GIGYF1: variants seen among roughly 807,000 people sequenced by gnomAD.
The protein encoded by GIGYF1 is GRB10-interacting GYF protein 1.
Under a neutral mutation model 147.1 loss-of-function variants are expected in GIGYF1, and 84 were observed. The ratio of observed to expected loss-of-function variants is 0.57; its 90% CI spans 0.48 to 0.68. The LOEUF (loss-of-function observed/expected upper bound fraction) is 0.68, where lower values mean the gene tolerates loss of function less well. Ranked by LOEUF, GIGYF1 falls within the 30% of genes least tolerant of loss-of-function variation. GIGYF1 has a pLI of 0.00. For synonymous variants in GIGYF1, 752 were observed against 589.5 expected (o/e 1.28, Z -3.99); for missense variants, 1,485 against 1,393.7 (o/e 1.07, Z -1.04).
At position 100,686,816 on chromosome 7, in the gene GIGYF1, C is replaced by A. The variant is rs775921993; in HGVS notation, c.527G>T (p.Arg176Leu). The A allele has an allele frequency of 1.2e-6, 2 of 1,613,740 alleles. No individual in the cohort carries two copies. Among genetic ancestry groups the A allele is most frequent in the Non-Finnish European group, 1.7e-6 (2 of 1,179,842 alleles). The change falls in exon 10 of 27, where the codon CGA becomes CTA. Residue 176 changes from arginine (R) to leucine (L), a missense_variant. By Grantham distance (102) the Arg-to-Leu change is moderately radical. Coordinates refer to ENST00000678049, the MANE Select transcript of GIGYF1 (RefSeq NM_001375765.1). Reference protein sequence around the residue: ...FEKSARRDGARCGFEEGGAGP... With the variant: ...FEKSARRDGALCGFEEGGAGP... The stretch of plus-strand genomic sequence containing the variant: ...AGCCCCTCCCTCCTCAAAGCCACAT[C>A]GTGCTGGGAGACGGGAAGACAGGGG...
At chr7:100,685,169 TGGAAAGAAG>T in intron 13 of GIGYF1, 23 bp from the exon 14 acceptor site, 1 of 1,557,294 alleles carries the variant, frequency 6.4e-7, no homozygotes, top group African/African-American at 1.4e-5. Context: ...AGATAGGAGG[TGGAAAGAAG>T]GGCGGGGAGG....
At chr7:100,682,885 G>A (rs1804922641) in intron 22 of GIGYF1, 108 bp from the exon 23 acceptor site, 2 of 1,284,078 alleles carry the variant, frequency 1.6e-6, no homozygotes, top group Admixed American at 2.8e-5. Context: ...AGGGCCACAA[G>A]AGCTGTTGCC....
At position 100,687,351 on chromosome 7, in the gene GIGYF1, C is replaced by T. The variant is rs1385982405; in HGVS notation, c.429G>A (p.Gly143=). ...TTTCCCGGGGGCTTCGTCCAAAGGC[C>T]CCATCGCCTTCTTCGATGCTTCTTT... ...FYQRSIEEGD[G]AFGRSPREIQ... Residue 143 remains glycine (G), a synonymous_variant, in exon 8 of 27, where the codon GGG becomes GGA. Coordinates refer to ENST00000678049, the MANE Select transcript of GIGYF1 (RefSeq NM_001375765.1). 1.2e-6 allele frequency: 2 copies of T among 1,613,402 alleles called. No homozygotes were observed. Among genetic ancestry groups the T allele is most frequent in the Middle Eastern group, 1.6e-4 (1 of 6,062 alleles).
In GIGYF1 at chr7:100,681,570, A is replaced by T; in HGVS notation, c.*149T>A. On this transcript the variant is annotated 3_prime_UTR_variant, in exon 27 of 27. Coordinates refer to ENST00000678049, the MANE Select transcript of GIGYF1 (RefSeq NM_001375765.1). Reference sequence around the variant, plus strand: ...TAAAGTGCCTCGTGGTGGGTGAGTTAAGGTGCATCGTGTGTTTGTAACAAG... The same window carrying T: ...TAAAGTGCCTCGTGGTGGGTGAGTTTAGGTGCATCGTGTGTTTGTAACAAG... 1 of 549,602 alleles carries T rather than the reference A, an allele frequency of 1.8e-6. No individual in the cohort carries two copies. The highest frequency in any genetic ancestry group is 3.0e-6 in the Non-Finnish European group (1 of 330,918). The allele number at this position is 549,602 out of a possible 1,614,324, so 34.0% of individuals were successfully genotyped here.
At chr7:100,686,463 G>A (rs1394834175) in intron 10 of GIGYF1, 30 bp from the exon 11 acceptor site, 2 of 1,556,702 alleles carry the variant, frequency 1.3e-6, no homozygotes, top group South Asian at 1.2e-5. Flanking sequence ...GAGAAGAAGA[G>A]TGGGTACCCA....
chr7:100,681,655 A>AC lies in GIGYF1; in HGVS notation c.*63dup. The AC allele has an allele frequency of 6.8e-7, 1 of 1,461,144 alleles. No individual in the cohort carries two copies. Among genetic ancestry groups the AC allele is most frequent in the Non-Finnish European group, 9.2e-7 (1 of 1,091,256 alleles). The allele number at this position is 1,461,144 out of a possible 1,614,324, so 90.5% of individuals were successfully genotyped here. ...CTCTGCGGGGAGCCTGCAGGCTGGG[A>AC]CCCTCGGTCCACGCCGCTGTGGCTG... is the stretch of plus-strand genomic sequence containing the variant. On this transcript the variant is annotated 3_prime_UTR_variant, in exon 27 of 27. Transcript: ENST00000678049.
At position 100,687,354 on chromosome 7, in the gene GIGYF1, A is replaced by G; in HGVS notation, c.426T>C (p.Asp142=). The G allele has an allele frequency of 1.2e-6, 2 of 1,613,356 alleles. No individual in the cohort carries two copies. Among genetic ancestry groups the G allele is most frequent in the South Asian group, 1.1e-5 (1 of 91,082 alleles). Residue 142 remains aspartate (D), a synonymous_variant, in exon 8 of 27, where the codon GAT becomes GAC. Coordinates refer to ENST00000678049, the MANE Select transcript of GIGYF1 (RefSeq NM_001375765.1). The stretch of plus-strand genomic sequence containing the variant: ...CCCGGGGGCTTCGTCCAAAGGCCCC[A>G]TCGCCTTCTTCGATGCTTCTTTGGT... The part of the protein sequence containing the change: ...CFYQRSIEEG[D]GAFGRSPREI...
chr7:100,683,487 G>C, intron 20 of GIGYF1, 43 bp from the exon 21 acceptor site: 1 of 1,613,994 alleles, frequency 6.2e-7, no homozygotes, highest in Non-Finnish European at 8.5e-7. Context: ...GCAGGGGACA[G>C]CCTGGGGCCT....
At position 100,681,945 on chromosome 7, in the gene GIGYF1, G is replaced by A. The variant is rs774303622; in HGVS notation, c.2974C>T (p.His992Tyr). The A allele has an allele frequency of 2.9e-5, 47 of 1,609,788 alleles. No individual in the cohort carries two copies. Among genetic ancestry groups the A allele is most frequent in the Admixed American group, 2.7e-4 (16 of 60,024 alleles). Residue 992 changes from histidine to tyrosine, a missense_variant, in exon 26 of 27, where the codon CAC becomes TAC. Physicochemically the swap from His to Tyr is moderately conservative, Grantham distance 83 (BLOSUM62 2). Transcript: ENST00000678049. ...ASLQTAFQAN[H>Y]STKLGPGEGS... ...TCCCCGGGGCCGAGTTTGGTGCTGT[G>A]GTTGGCCTGGAAGGCCGTCTGCAGC... is the stretch of plus-strand genomic sequence containing the variant.
chr7:100,683,982 C>T (rs534789262), intron 18 of GIGYF1, 38 bp downstream of exon 18: 10 of 1,584,910 alleles, frequency 6.3e-6, no homozygotes, highest in African/African-American at 2.7e-5. Flanking sequence ...CCATCCCCCC[C>T]CCACCCTGTA....
rs1309406631 is a variant in GIGYF1 at position 100,685,959 on chromosome 7, C to A, written c.1054+15G>T. ...CCGGCCCAGCCCCAGGCCCGCTGGG[C>A]ACCCCGCGGCTCACCTGCCTCAGGC... On this transcript the variant is annotated intron_variant, in intron 12 of 26. Transcript: ENST00000678049. 6.2e-7 allele frequency: 1 copy of A among 1,606,644 alleles called. No homozygotes were observed. Among genetic ancestry groups the A allele is most frequent in the Non-Finnish European group, 8.5e-7 (1 of 1,176,146 alleles).
intron 10 of GIGYF1, 52 bp from the exon 11 acceptor site, chr7:100,686,485 C>T (rs1022190730): frequency 5.1e-5 from 79 of 1,534,944 alleles, no homozygotes; most frequent in Non-Finnish European, 6.4e-5. Context: ...GCGAAGCCAG[C>T]GGCCCCCTCT....
rs1173333957 is a variant in GIGYF1 at position 100,686,764 on chromosome 7, T to C, written c.579A>G (p.Ser193=). ...GAGPRKEHAR[S]DSENWRSLRE... ...GTAGGGAGCGCCAGTTCTCGCTGTCTGAGCGGGCGTGCTCCTTCCTTGGGC... is the reference window on the plus strand; with the variant it reads ...GTAGGGAGCGCCAGTTCTCGCTGTCCGAGCGGGCGTGCTCCTTCCTTGGGC... Residue 193 remains serine (S), a synonymous_variant, in exon 10 of 27, where the codon TCA becomes TCG. Coordinates refer to ENST00000678049, the MANE Select transcript of GIGYF1 (RefSeq NM_001375765.1). The C allele has an allele frequency of 6.2e-7, 1 of 1,613,942 alleles. No homozygotes were observed. Among genetic ancestry groups the C allele is most frequent in the East Asian group, 2.2e-5 (1 of 44,884 alleles).
chr7:100,680,188 A>AAT lies in GIGYF1; in HGVS notation c.*1530_*1531insAT, dbSNP rs1804595838. 6.6e-6 allele frequency: 1 copy of AAT among 151,810 alleles called. No individual in the cohort carries two copies. The highest frequency in any genetic ancestry group is 1.5e-5 in the Non-Finnish European group (1 of 67,924). The allele number at this position is 151,810 out of a possible 1,614,324, so 9.4% of individuals were successfully genotyped here. A position where few individuals can be genotyped will look rare whatever the true frequency, so the allele number is the denominator to read the frequency against. On this transcript the variant is annotated 3_prime_UTR_variant, in exon 27 of 27. Transcript: ENST00000678049. ...TGCAAAAAAAAAAAAAAAAAAAAAA[A>AAT]AATCCAACAACAGAAAACCAAACAC...
At chr7:100,692,486 A>G (rs1337549503) in intron 1 of GIGYF1, among the ~76,000 whole-genome samples, 2 of 152,232 alleles carry the variant, frequency 1.3e-5, no homozygotes, top group South Asian at 2.1e-4. Context: ...CGCAAGCATT[A>G]TTCTGTGAGT....
rs1355568320 is a variant in GIGYF1, at chr7:100,683,847, T to G, written c.1940A>C (p.Asp647Ala). 2 of 1,568,672 alleles carry G rather than the reference T, an allele frequency of 1.3e-6. No homozygotes were observed. Among genetic ancestry groups the G allele is most frequent in the Admixed American group, 3.8e-5 (2 of 52,058 alleles). Residue 647 changes from aspartate (D) to alanine (A), a missense_variant, in exon 19 of 27, where the codon GAC becomes GCC. Coordinates refer to ENST00000678049, the MANE Select transcript of GIGYF1 (RefSeq NM_001375765.1). ...LSVPDSGRLW[D>A]VHTSASSQSG... is the part of the protein sequence containing the mutation. ...CTGTGATGAGGCTGAGGTATGTACG[T>G]CCCAGAGGCGGCCCGAATCTGGCAC...
chr7:100,687,146 G>T, intron 8 of GIGYF1, 100 bp from the exon 9 acceptor site: 1 of 1,527,186 alleles, frequency 6.5e-7, no homozygotes, highest in Non-Finnish European at 9.1e-7. Flanking sequence ...AGGCAGTGGA[G>T]GGAGGAAGGG....
At chr7:100,681,840 C>CGCTCCTGCCCCAGCCCA in intron 26 of GIGYF1, 24 bp downstream of exon 26, 1 of 1,610,350 alleles carries the variant, frequency 6.2e-7, no homozygotes, top group East Asian at 2.2e-5. Flanking sequence ...AAGGAAGTCC[C>CGCTCCTGCCCCAGCCCA]GCTCCTGCCC....
intron 24 of GIGYF1, 25 bp from the exon 25 acceptor site, chr7:100,682,260 G>C: frequency 6.2e-7 from 1 of 1,608,398 alleles, no homozygotes; most frequent in Non-Finnish European, 8.5e-7. Flanking sequence ...AAGGCTGTCA[G>C]GGCCCCCTGG....
Sources: gnomAD v4.1 joint callset for allele counts (sites outside exome capture counted in the v4.1 genomes callset) on GRCh38, gnomAD v4.1.1 for gene constraint, MANE v1.5 for transcripts, NCBI Gene and HGNC (gene_info 2026-07-23, HGNC 2026-07-21) for gene names.